Variants in RIF1 observed in about 807,000 individuals in gnomAD.
RIF1 encodes the protein telomere-associated protein RIF1.
In RIF1, 45 loss-of-function variants were observed where a neutral mutation model predicts 247.1. The observed-to-expected ratio is 0.18, with a 90% CI of 0.14 to 0.23. RIF1 has a LOEUF of 0.23. Ranked by LOEUF, RIF1 falls within the 10% of genes least tolerant of loss-of-function variation. RIF1 has a pLI of 1.00. For missense variants in RIF1, 2,967 were observed against 2,862.5 expected (o/e 1.04, Z -0.83); for synonymous variants, 1,087 against 978.8 (o/e 1.11, Z -2.06).
At position 151,502,896 on chromosome 2, in the gene RIF1, C is replaced by A. The variant is rs1429052380; in HGVS notation, c.*710-138C>A. ...TTCTTTGTACAAAACCTGTGAGATA[C>A]AAGAAAGTACCCAGAGGACATTTAA... On this transcript the variant is annotated intron_variant and NMD_transcript_variant, in intron 11 of 13. Coordinates refer to the RIF1 transcript ENST00000454583. The A allele has an allele frequency of 6.7e-7, 1 of 1,488,698 alleles. No individual in the cohort carries two copies. Among genetic ancestry groups the A allele is most frequent in the Non-Finnish European group, 9.3e-7 (1 of 1,074,500 alleles). The allele number at this position is 1,488,698 out of a possible 1,614,324, so 92.2% of individuals were successfully genotyped here.
chr2:151,490,496 C>A (rs773182617), intron 9 of RIF1: 1 of 1,609,198 alleles, frequency 6.2e-7, no homozygotes, highest in Non-Finnish European at 8.5e-7. Context: ...GTGACTGCTC[C>A]CGGCTCCGGC....
At chr2:151,410,129 C>A in intron 1 of RIF1, 96 bp downstream of exon 1, 1 of 683,188 alleles carries the variant, frequency 1.5e-6, no homozygotes, top group South Asian at 1.5e-5. Context: ...GTTCCCCGGG[C>A]TTCTCCCGCC....
Position 151,492,139 on chromosome 2 carries a change from A to G in RIF1, c.*416-3090A>G. 6.2e-7 allele frequency: 1 copy of G among 1,613,622 alleles called. No individual in the cohort carries two copies. The highest frequency in any genetic ancestry group is 8.5e-7 in the Non-Finnish European group (1 of 1,179,806). ...ATCTTGGTCATTCCGTTTTTGTTCC[A>G]TTTCTACCACTTTCCTCTGAATACC... On this transcript the variant is annotated intron_variant and NMD_transcript_variant, in intron 9 of 13. Transcript: ENST00000454583.
intron 9 of RIF1, chr2:151,491,958 G>A: frequency 9.6e-7 from 1 of 1,038,778 alleles, no homozygotes; most frequent in East Asian, 2.4e-5. Flanking sequence ...TGTAAACTAT[G>A]AGATAATAGG....
rs767430873 is a variant in RIF1, at chr2:151,465,009, G to C, written c.5489G>C (p.Gly1830Ala). The change falls in exon 30 of 36, where the codon GGA becomes GCA. Residue 1830 changes from glycine (G) to alanine (A), a missense_variant. Physicochemically the swap from Gly to Ala is moderately conservative, Grantham distance 60. Coordinates refer to ENST00000444746, the MANE Select transcript of RIF1 (RefSeq NM_018151.5). Reference protein sequence around the residue: ...ENTMQESLPSGIVNFREEICD... With the variant: ...ENTMQESLPSAIVNFREEICD... ...ACTATGCAAGAATCTCTTCCTTCTG[G>C]AATAGTAAACTTTAGAGAGGAAATT... is the stretch of plus-strand genomic sequence containing the variant. The C allele has an allele frequency of 2.5e-6, 4 of 1,577,828 alleles. No individual in the cohort carries two copies. Among genetic ancestry groups the C allele is most frequent in the Non-Finnish European group, 3.4e-6 (4 of 1,169,878 alleles).
In RIF1 at chr2:151,424,003, C is replaced by T. The variant is rs1005391829; in HGVS notation, c.786+961C>T. On this transcript the variant is annotated intron_variant, in intron 8 of 35. Coordinates refer to ENST00000444746, the MANE Select transcript of RIF1 (RefSeq NM_018151.5). The stretch of plus-strand genomic sequence containing the variant: ...ACATCACCCTTTGGTAATGTCTGTT[C>T]TACTTCCTGTCTCTGAATTTGCTTA... Among the ~76,000 whole-genome samples the T allele has an allele frequency of 2.6e-4, 40 of 152,094 alleles. No homozygotes were observed. The Admixed American group carries it at 2.6e-3, about 10-fold the overall frequency.
Position 151,492,156 on chromosome 2 carries a change from C to G in RIF1, c.*416-3073C>G, listed in dbSNP as rs774663967. The G allele has an allele frequency of 5.6e-6, 9 of 1,613,800 alleles. No individual in the cohort carries two copies. The highest frequency in any genetic ancestry group is 7.6e-6 in the Non-Finnish European group (9 of 1,179,884). On this transcript the variant is annotated intron_variant and NMD_transcript_variant, in intron 9 of 13. Coordinates refer to the RIF1 transcript ENST00000454583. ...TTTGTTCCATTTCTACCACTTTCCT[C>G]TGAATACCTCGGTAGTTAATGTCAC...
chr2:151,449,269 G>GT (rs1421491500), intron 20 of RIF1, among the ~76,000 whole-genome samples: 7 of 151,964 alleles, frequency 4.6e-5, no homozygotes, highest in Non-Finnish European at 7.4e-5. Flanking sequence ...TAGGATTAAT[G>GT]TTTTTTTCTG....
At chr2:151,520,418 T>C in the RIF1 span, among the ~76,000 whole-genome samples, 1 of 152,080 alleles carries the variant, frequency 6.6e-6, no homozygotes, top group Non-Finnish European at 1.5e-5. Context: ...TAAATATACT[T>C]TTAGTATACA....
rs1005735704 is a variant in RIF1 at position 151,446,568 on chromosome 2, G to T, written c.2237G>T (p.Gly746Val). The change falls in exon 20 of 36, where the codon GGC becomes GTC. Residue 746 changes from glycine (G) to valine (V), a missense_variant. Around this residue, in one of 7 missense-constraint regions of RIF1, gnomAD observed 2,028 missense variants for 1,825.6 expected, o/e 1.11. Coordinates refer to ENST00000444746, the MANE Select transcript of RIF1 (RefSeq NM_018151.5). ...ATAATGTCCAGTTTGGAAGATGAAG[G>T]CTTTTCTGTGAGTTTGTCCTGATGC... is the stretch of plus-strand genomic sequence containing the variant. ...SKIMSSLEDE[G>V]FSNLLFVDRI... The T allele has an allele frequency of 3.7e-6, 6 of 1,611,798 alleles. No individual in the cohort carries two copies. In the African/African-American group the frequency reaches 8.0e-5, roughly 22 times the overall value.
At chr2:151,524,562 G>C in the RIF1 span, 4 of 1,611,736 alleles carry the variant, frequency 2.5e-6, no homozygotes, top group South Asian at 3.3e-5. Context: ...ATGTCTGGTC[G>C]ATCAGCCACT....
intron 33 of RIF1, 94 bp downstream of exon 33, chr2:151,468,850 T>C (rs1381269379): frequency 2.2e-6 from 2 of 899,030 alleles, no homozygotes; most frequent in Non-Finnish European, 3.6e-6. Flanking sequence ...TTAGAATTGA[T>C]TGGCATGTAC....
At chr2:151,516,417 T>C in the RIF1 span, 3 of 1,353,274 alleles carry the variant, frequency 2.2e-6, no homozygotes, top group African/African-American at 1.4e-5. Context: ...TGTTCAGTAG[T>C]GTGATGGATC....
chr2:151,442,852 A>G (rs1227713528), intron 16 of RIF1, among the ~76,000 whole-genome samples: 1 of 148,904 alleles, frequency 6.7e-6, no homozygotes, highest in African/African-American at 2.5e-5. Context: ...GCTCACTGCA[A>G]CCTAATTCTC....
chr2:151,461,394 T>G, intron 27 of RIF1, 105 bp downstream of exon 27: 1 of 843,522 alleles, frequency 1.2e-6, no homozygotes, highest in Non-Finnish European at 1.7e-6. Context: ...TGTACTAATT[T>G]TTTTTTTTTT....
chr2:151,463,105 C>T lies in RIF1; in HGVS notation c.3585C>T (p.Phe1195=), dbSNP rs754413795. Residue 1195 remains phenylalanine, a synonymous_variant, in exon 30 of 36, where the codon TTC becomes TTT. Transcript: ENST00000444746. ...GTGCATCTAGTACAGAAAATTCTTTCGTTGTCAGCAGTAGTTCAGTTTCTA... is the reference window on the plus strand; with the variant it reads ...GTGCATCTAGTACAGAAAATTCTTTTGTTGTCAGCAGTAGTTCAGTTTCTA... ...TECASSTENS[F]VVSSSSVSNT... The T allele has an allele frequency of 1.2e-5, 20 of 1,613,906 alleles. No individual in the cohort carries two copies. The highest frequency in any genetic ancestry group is 5.5e-5 in the South Asian group (5 of 91,072).
At chr2:151,424,838 T>C in intron 8 of RIF1, among the ~76,000 whole-genome samples, 1 of 136,194 alleles carries the variant, frequency 7.3e-6, no homozygotes, top group East Asian at 2.7e-4. Context: ...TTTTTTTTTT[T>C]TTTTTTTTTT....
chr2:151,444,578 G>C (rs1440165910), intron 18 of RIF1, among the ~76,000 whole-genome samples: 1 of 152,190 alleles, frequency 6.6e-6, no homozygotes, highest in African/African-American at 2.4e-5. Flanking sequence ...GATTACAGGC[G>C]TGAGCCACTG....
At position 151,441,908 on chromosome 2, in the gene RIF1, C is replaced by T. The variant is rs1466188708; in HGVS notation, c.1651C>T (p.Leu551Phe). 2 of 1,507,910 alleles carry T rather than the reference C, an allele frequency of 1.3e-6. No homozygotes were observed. Among genetic ancestry groups the T allele is most frequent in the Non-Finnish European group, 1.8e-6 (2 of 1,099,152 alleles). The allele number at this position is 1,507,910 out of a possible 1,614,324, so 93.4% of individuals were successfully genotyped here. Residue 551 changes from leucine (L) to phenylalanine (F), a missense_variant, in exon 16 of 36, where the codon CTC becomes TTC. Leu to Phe is a conservative substitution (Grantham distance 22). This residue lies in a region of RIF1 where 369 missense variants were observed against 322.0 expected (regional missense o/e 1.15). Coordinates refer to ENST00000444746, the MANE Select transcript of RIF1 (RefSeq NM_018151.5). Reference sequence around the variant, plus strand: ...TAAAACCTTTTATCTCTCATAGGTCCTCATGGAAATTACAATTAAAGGACT... The same window carrying T: ...TAAAACCTTTTATCTCTCATAGGTCTTCATGGAAATTACAATTAAAGGACT... The part of the protein sequence containing the change: ...EVFPVSKTLV[L>F]MEITIKGLPQ...
Sources: allele counts gnomAD v4.1 joint callset (sites outside exome capture counted in the v4.1 genomes callset), GRCh38; gene constraint gnomAD v4.1.1; regional missense constraint gnomAD v4.1.1; transcripts MANE v1.5; gene names NCBI Gene and HGNC (gene_info 2026-07-23, HGNC 2026-07-21).